XYLT2: variants seen among roughly 807,000 people sequenced by gnomAD.
XYLT2 encodes UDP-D-xylose:proteoglycan core protein beta-D-xylosyltransferase.
In XYLT2, 37 loss-of-function variants were observed where a neutral mutation model predicts 82.6. The observed-to-expected ratio is 0.45, with a 90% CI of 0.34 to 0.59. XYLT2 has a LOEUF of 0.59. Ranked by LOEUF, XYLT2 falls within the 20% of genes least tolerant of loss-of-function variation. The probability of loss-of-function intolerance (pLI) is 0.01; values close to 1 mark genes in which losing one functional copy is unlikely to be tolerated. For synonymous variants in XYLT2, 474 were observed against 499.0 expected (o/e 0.95, Z 0.67); for missense variants, 934 against 1,181.3 (o/e 0.79, Z 3.07).
At chr17:50,356,472 T>G (rs751143087) in intron 7 of XYLT2, 39 bp from the exon 8 acceptor site, 1 of 1,605,368 alleles carries the variant, frequency 6.2e-7, no homozygotes, top group Admixed American at 1.7e-5. Flanking sequence ...CCTCTGGGGC[T>G]TCCAGAGCCC....
chr17:50,357,034 CT>C, intron 8 of XYLT2, 22 bp from the exon 9 acceptor site: 1 of 1,574,822 alleles, frequency 6.3e-7, no homozygotes. Flanking sequence ...TGGCATCTCC[CT>C]TTCTCCCTGC....
chr17:50,350,108 G>A (rs1410835715), intron 1 of XYLT2, among the ~76,000 whole-genome samples: 3 of 142,474 alleles, frequency 2.1e-5, no homozygotes, highest in Non-Finnish European at 3.1e-5. Context: ...GCTTGAACCT[G>A]GGAGGCAAAG....
chr17:50,348,544 C>T (rs576347554), intron 1 of XYLT2, among the ~76,000 whole-genome samples: 3 of 152,256 alleles, frequency 2.0e-5, no homozygotes, highest in East Asian at 3.9e-4. Context: ...TGCACTCTGC[C>T]CATCTATGGA....
rs777713394 is a variant in XYLT2 at position 50,358,385 on chromosome 17, C to T, written c.2120C>T (p.Thr707Met). 2.7e-5 allele frequency: 43 copies of T among 1,613,986 alleles called. No individual in the cohort carries two copies. The highest frequency in any genetic ancestry group is 1.8e-4 in the East Asian group (8 of 44,902). The change falls in exon 10 of 11, where the codon ACG (threonine) becomes ATG (methionine). Residue 707 changes from threonine (T) to methionine (M), a missense_variant. By Grantham distance (81) the Thr-to-Met change is moderately conservative. Around this residue, in one of 3 missense-constraint regions of XYLT2, gnomAD observed 374 missense variants for 465.6 expected, o/e 0.80. Transcript: ENST00000017003. ...VATSYDITVD[T>M]ETEVTQYKPP... The stretch of plus-strand genomic sequence containing the variant: ...ACATCTTATGACATCACAGTAGATA[C>T]GGAGACTGAGGTCACGCAATACAAG...
intron 1 of XYLT2, among the ~76,000 whole-genome samples, chr17:50,352,877 G>A (rs1416103252): frequency 6.6e-6 from 1 of 152,202 alleles, no homozygotes; most frequent in Non-Finnish European, 1.5e-5. Flanking sequence ...TACATGTGCC[G>A]GAGTTTTCCC....
In XYLT2 at chr17:50,353,845, C is replaced by T. The variant is rs771235564; in HGVS notation, c.351C>T (p.Ala117=). The T allele has an allele frequency of 2.5e-6, 4 of 1,602,478 alleles. No homozygotes were observed. The East Asian group carries it at 6.8e-5, about 27-fold the overall frequency. ...RRVPPAPPPE[A]PGRQNLSGAA... ...TCCCACCTGCCCCACCCCCGGAAGC[C>T]CCAGGCCGCCAGAACCTGAGTGGGG... The change falls in exon 2 of 11, where the codon GCC becomes GCT. Residue 117 remains alanine, a synonymous_variant. Transcript: ENST00000017003.
At position 50,358,517 on chromosome 17, in the gene XYLT2, A is replaced by T. The variant is rs531313828; in HGVS notation, c.2252A>T (p.Asn751Ile). 1.2e-6 allele frequency: 2 copies of T among 1,612,438 alleles called. No individual in the cohort carries two copies. The highest frequency in any genetic ancestry group is 1.3e-5 in the African/African-American group (1 of 74,886). ...TRFLVLPLTF[N>I]RKLPLRKDDA... is the part of the protein sequence containing the mutation. ...TTCCTTGTGCTGCCCTTGACCTTCA[A>T]CCGCAAACTACCTCTCAGGAAAGGT... Residue 751 changes from asparagine to isoleucine, a missense_variant, in exon 10 of 11, where the codon AAC becomes ATC. Physicochemically the swap from Asn to Ile is moderately radical, Grantham distance 149 (BLOSUM62 -3). Coordinates refer to ENST00000017003, the MANE Select transcript of XYLT2 (RefSeq NM_022167.4).
Position 50,346,297 on chromosome 17 carries a change from C to G in XYLT2, c.135+22C>G. 1 of 1,055,782 alleles carries G rather than the reference C, an allele frequency of 9.5e-7. No individual in the cohort carries two copies. Among genetic ancestry groups the G allele is most frequent in the Non-Finnish European group, 1.1e-6 (1 of 873,958 alleles). 65.4% of individuals were successfully genotyped at this position (1,055,782 alleles called of 1,614,324 possible). On this transcript the variant is annotated intron_variant, in intron 1 of 10. Coordinates refer to ENST00000017003, the MANE Select transcript of XYLT2 (RefSeq NM_022167.4). The surrounding 1 kb of genome is among the most constrained non-coding windows in gnomAD (Gnocchi z 5.1). ...CGAGGTGCTCCGACGGCCGGGCGGG[C>G]GGGCAGGCCGGGCGCGGGGGCGCGC...
At position 50,357,162 on chromosome 17, in the gene XYLT2, G is replaced by A. The variant is rs998087417; in HGVS notation, c.1851G>A (p.Pro617=). The A allele has an allele frequency of 7.4e-6, 12 of 1,613,054 alleles. No homozygotes were observed. The highest frequency in any genetic ancestry group is 4.4e-5 in the South Asian group (4 of 91,076). ...CGGTGCAGCCCTCAGCCCAGGGGCCGGCAGAGACGCTTGAGATGTGGCTGA... is the reference window on the plus strand; with the variant it reads ...CGGTGCAGCCCTCAGCCCAGGGGCCAGCAGAGACGCTTGAGATGTGGCTGA... ...TQAVQPSAQG[P]AETLEMWLMP... Residue 617 remains proline (P), a synonymous_variant, in exon 9 of 11, where the codon CCG becomes CCA. Transcript: ENST00000017003.
At chr17:50,351,410 G>A (rs1912263157) in intron 1 of XYLT2, among the ~76,000 whole-genome samples, 1 of 152,194 alleles carries the variant, frequency 6.6e-6, no homozygotes, top group African/African-American at 2.4e-5. Flanking sequence ...GCCAGGGCAG[G>A]TGGATCACGA....
intron 10 of XYLT2, 38 bp from the exon 11 acceptor site, chr17:50,359,931 T>G (rs1912724916): frequency 6.6e-7 from 1 of 1,512,806 alleles, no homozygotes. Context: ...CGGAGTCTGT[T>G]GCAGGGGGTG....
At position 50,346,373 on chromosome 17, in the gene XYLT2, G is replaced by A. The variant is rs184856639; in HGVS notation, c.135+98G>A. On this transcript the variant is annotated intron_variant, in intron 1 of 10. Transcript: ENST00000017003. This position sits in a 1 kb window ranked among gnomAD's most constrained non-coding sequence, Gnocchi z 5.1. ...CCCCAGCCGGGGAAGTGGGGCACGG[G>A]CCGCGTGCGTGCGTGCGGGGCGCCG... 1.0e-6 allele frequency: 1 copy of A among 984,442 alleles called. No homozygotes were observed. The highest frequency in any genetic ancestry group is 1.8e-5 in the African/African-American group (1 of 56,890). The allele number at this position is 984,442 out of a possible 1,614,324, so 61.0% of individuals were successfully genotyped here.
In XYLT2 at chr17:50,354,963, G is replaced by A. The variant is rs12451299; in HGVS notation, c.914G>A (p.Arg305Lys). ...VTIWGGASLLRMYLRSMRDLL... is the reference protein window; with the variant it reads ...VTIWGGASLLKMYLRSMRDLL... The stretch of plus-strand genomic sequence containing the variant: ...ATCTGGGGCGGGGCCAGCCTCCTGA[G>A]GATGTACCTGCGGAGCATGCGGGAC... The change falls in exon 4 of 11, where the codon AGG (arginine) becomes AAG (lysine). Residue 305 changes from arginine (R) to lysine (K), a missense_variant. Transcript: ENST00000017003. 6.3e-7 allele frequency: 1 copy of A among 1,583,632 alleles called. No homozygotes were observed. The highest frequency in any genetic ancestry group is 1.3e-5 in the African/African-American group (1 of 74,544).
chr17:50,357,520 A>C, intron 9 of XYLT2: 1 of 401,884 alleles, frequency 2.5e-6, no homozygotes, highest in African/African-American at 2.1e-5. Flanking sequence ...CAGACTACAG[A>C]GATTTCGCCT....
In XYLT2 at chr17:50,356,183, G is replaced by A. The variant is rs1045226204; in HGVS notation, c.1404G>A (p.Lys468=). The change falls in exon 7 of 11, where the codon AAG becomes AAA. Residue 468 remains lysine, a synonymous_variant. Transcript: ENST00000017003. The stretch of plus-strand genomic sequence containing the variant: ...ACTGGAACCGCAAGCTGGGCTGCAA[G>A]TGCCAGTACAAGCACATTGTGGACT... ...VTNWNRKLGC[K]CQYKHIVDWC... 15 of 1,614,108 alleles carry A rather than the reference G, an allele frequency of 9.3e-6. No homozygotes were observed. The highest frequency in any genetic ancestry group is 2.7e-5 in the African/African-American group (2 of 74,950).
In XYLT2 at chr17:50,354,559, C is replaced by T. The variant is rs759594243; in HGVS notation, c.780C>T (p.His260=). The T allele has an allele frequency of 1.1e-5, 17 of 1,611,002 alleles. No homozygotes were observed. The Admixed American group carries it at 2.5e-4, about 24-fold the overall frequency. ...TCAAGGCCGTTTATCACGAGCAGCACTTCTTTTACATCCATGTGGACAAGG... is the reference window on the plus strand; with the variant it reads ...TCAAGGCCGTTTATCACGAGCAGCATTTCTTTTACATCCATGTGGACAAGG... ...RLLKAVYHEQ[H]FFYIHVDKRS... is the part of the protein sequence containing the mutation. Residue 260 remains histidine (H), a synonymous_variant, in exon 3 of 11, where the codon CAC becomes CAT. Coordinates refer to ENST00000017003, the MANE Select transcript of XYLT2 (RefSeq NM_022167.4).
chr17:50,346,226 G>T lies in XYLT2; in HGVS notation c.86G>T (p.Gly29Val). ...ATALAILLLQ[G>V]LVVWSFSGLE... ...GCGCTGGCCATCCTGCTGCTGCAGG[G>T]CCTGGTAGTGTGGAGCTTCAGCGGC... The change falls in exon 1 of 11, where the codon GGC (glycine) becomes GTC (valine). Residue 29 changes from glycine (G) to valine (V), a missense_variant. By Grantham distance (109) the Gly-to-Val change is moderately radical. Around this residue, in one of 3 missense-constraint regions of XYLT2, gnomAD observed 371 missense variants for 394.9 expected, o/e 0.94. Coordinates refer to ENST00000017003, the MANE Select transcript of XYLT2 (RefSeq NM_022167.4). This position sits in a 1 kb window ranked among gnomAD's most constrained non-coding sequence, Gnocchi z 5.1. The T allele has an allele frequency of 7.9e-7, 1 of 1,264,842 alleles. No individual in the cohort carries two copies. Among genetic ancestry groups the T allele is most frequent in the Non-Finnish European group, 1.0e-6 (1 of 978,070 alleles). The allele number at this position is 1,264,842 out of a possible 1,614,324, so 78.4% of individuals were successfully genotyped here. A position where few individuals can be genotyped will look rare whatever the true frequency, so the allele number is the denominator to read the frequency against.
Position 50,360,509 on chromosome 17 carries a change from C to G in XYLT2, c.*218C>G. 1 of 1,277,216 alleles carries G rather than the reference C, an allele frequency of 7.8e-7. No individual in the cohort carries two copies. Among genetic ancestry groups the G allele is most frequent in the Non-Finnish European group, 9.9e-7 (1 of 1,014,734 alleles). The allele number at this position is 1,277,216 out of a possible 1,614,324, so 79.1% of individuals were successfully genotyped here. A position where few individuals can be genotyped will look rare whatever the true frequency, so the allele number is the denominator to read the frequency against. The stretch of plus-strand genomic sequence containing the variant: ...GGCTGGCGGGAACGCGAGAAGGGCA[C>G]CAGCAGCATTCCACACCCAGCTCTT... On this transcript the variant is annotated 3_prime_UTR_variant, in exon 11 of 11. Transcript: ENST00000017003.
rs770789907 is a variant in XYLT2, at chr17:50,360,239, C to G, written c.2546C>G (p.Pro849Arg). 2.5e-6 allele frequency: 4 copies of G among 1,613,116 alleles called. No homozygotes were observed. The highest frequency in any genetic ancestry group is 3.3e-5 in the Admixed American group (2 of 59,948). Residue 849 changes from proline to arginine, a missense_variant, in exon 11 of 11, where the codon CCC (proline) becomes CGC (arginine). Coordinates refer to ENST00000017003, the MANE Select transcript of XYLT2 (RefSeq NM_022167.4). ...CRLTSWSSLSPDPKSELGPVK... is the reference protein window; with the variant it reads ...CRLTSWSSLSRDPKSELGPVK... The stretch of plus-strand genomic sequence containing the variant: ...CTGACCAGCTGGAGCTCTCTGTCCC[C>G]CGACCCCAAATCAGAGCTGGGGCCT...
Sources: allele counts gnomAD v4.1 joint callset (sites outside exome capture counted in the v4.1 genomes callset), GRCh38; gene constraint gnomAD v4.1.1; regional missense constraint gnomAD v4.1.1; non-coding constraint Gnocchi (gnomAD v3.1); transcripts MANE v1.5; gene names NCBI Gene and HGNC (gene_info 2026-07-23, HGNC 2026-07-21).